Variants in GALNT1 observed in about 807,000 individuals in gnomAD.
GALNT1 encodes the protein GalNAc transferase 1.
GALNT1 carries 17 observed loss-of-function variants against 65.7 expected under a neutral mutation model. That is an observed-to-expected ratio of 0.26 (90% confidence interval 0.18 to 0.39). The LOEUF (loss-of-function observed/expected upper bound fraction) is 0.39, where lower values mean the gene tolerates loss of function less well. GALNT1 is among the 10% of genes least tolerant of loss of function. The pLI is 1.00. For synonymous variants in GALNT1, 210 were observed against 219.7 expected, an observed-to-expected ratio of 0.96 and a Z score of 0.39; for missense variants, 460 against 672.8, an observed-to-expected ratio of 0.68 and a Z score of 3.50.
Position 35,663,638 on chromosome 18 carries a change from A to T in GALNT1, c.150A>T (p.Pro50=). 6.2e-7 allele frequency: 1 copy of T among 1,609,870 alleles called. No homozygotes were observed. The highest frequency in any genetic ancestry group is 8.5e-7 in the Non-Finnish European group (1 of 1,178,940). Residue 50 remains proline (P), a synonymous_variant, in exon 3 of 12, where the codon CCA becomes CCT. Coordinates refer to ENST00000269195, the MANE Select transcript of GALNT1 (RefSeq NM_020474.4). Reference sequence around the variant, plus strand: ...TCTTCCTATTCTTAGTTCTAGAGCCAGTACAAAAGCCTCATGAAGGTCCTG... The same window carrying T: ...TCTTCCTATTCTTAGTTCTAGAGCCTGTACAAAAGCCTCATGAAGGTCCTG... ...RGLPAGDVLE[P]VQKPHEGPGE... is the part of the protein sequence containing the mutation.
intron 1 of GALNT1, among the ~76,000 whole-genome samples, chr18:35,630,622 C>T (rs931061550): frequency 1.2e-4 from 18 of 152,026 alleles, no homozygotes; most frequent in African/African-American, 3.9e-4. Flanking sequence ...AAATTGACAC[C>T]GTAACATCAC....
At chr18:35,641,940 AT>A (rs1262839662) in intron 1 of GALNT1, among the ~76,000 whole-genome samples, 2 of 152,226 alleles carry the variant, frequency 1.3e-5, no homozygotes, top group African/African-American at 4.8e-5. Flanking sequence ...TAGTGTGAAA[AT>A]TATATGAAAT....
At chr18:35,640,366 T>A (rs768702642) in intron 1 of GALNT1, among the ~76,000 whole-genome samples, 380 of 141,496 alleles carry the variant, frequency 2.7e-3, no homozygotes, top group Non-Finnish European at 4.1e-3. Flanking sequence ...TAGGAAAAAA[T>A]TAAAGTAACA....
chr18:35,618,574 T>C (rs898151329), intron 1 of GALNT1, among the ~76,000 whole-genome samples: 2 of 152,170 alleles, frequency 1.3e-5, no homozygotes, highest in South Asian at 4.1e-4. Flanking sequence ...TAGAATAGTT[T>C]TGAGAATTAG....
At chr18:35,699,393 T>C (rs1191183494) in intron 9 of GALNT1, among the ~76,000 whole-genome samples, 1 of 152,214 alleles carries the variant, frequency 6.6e-6, no homozygotes, top group Non-Finnish European at 1.5e-5. Context: ...AGAATCTCAG[T>C]TGCTGTTAGA....
rs1324194881 is a variant in GALNT1 at position 35,683,440 on chromosome 18, A to G, written c.531A>G (p.Pro177=). 1 of 1,613,780 alleles carries G rather than the reference A, an allele frequency of 6.2e-7. No homozygotes were observed. Among genetic ancestry groups the G allele is most frequent in the Non-Finnish European group, 8.5e-7 (1 of 1,179,814 alleles). The change falls in exon 5 of 12, where the codon CCA becomes CCG. Residue 177 remains proline (P), a synonymous_variant. Transcript: ENST00000269195. ...LESYVKKLKV[P]VHVIRMEQRS... Reference sequence around the variant, plus strand: ...GTTATGTGAAAAAACTAAAAGTACCAGTTCATGTAATTCGAATGGAACAAC... The same window carrying G: ...GTTATGTGAAAAAACTAAAAGTACCGGTTCATGTAATTCGAATGGAACAAC...
chr18:35,585,349 T>G (rs1033539810), intron 1 of GALNT1, among the ~76,000 whole-genome samples: 7 of 152,336 alleles, frequency 4.6e-5, no homozygotes, highest in African/African-American at 1.7e-4. Flanking sequence ...TGCTACCTGT[T>G]TTTCATAGAT....
At chr18:35,698,880 G>A (rs1193287412) in intron 9 of GALNT1, among the ~76,000 whole-genome samples, 2 of 152,146 alleles carry the variant, frequency 1.3e-5, no homozygotes, top group African/African-American at 2.4e-5. Context: ...CTACTTGGGA[G>A]GCTGAGGCAG....
intron 1 of GALNT1, among the ~76,000 whole-genome samples, chr18:35,648,645 T>C (rs2047268895): frequency 6.6e-6 from 1 of 152,216 alleles, no homozygotes; most frequent in African/African-American, 2.4e-5. Flanking sequence ...TTCTGGTATG[T>C]GTCTTTTGAG....
chr18:35,635,353 C>G (rs900495967), intron 1 of GALNT1, among the ~76,000 whole-genome samples: 2 of 152,162 alleles, frequency 1.3e-5, no homozygotes, highest in Admixed American at 1.3e-4. Flanking sequence ...AAACTGGGGA[C>G]CCCACACCAG....
At chr18:35,656,736 C>T (rs77122603) in intron 2 of GALNT1, among the ~76,000 whole-genome samples, 3 of 152,290 alleles carry the variant, frequency 2.0e-5, no homozygotes, top group East Asian at 3.9e-4. Context: ...AAGGCCTGAT[C>T]GGACCTGGAC....
At chr18:35,627,926 G>A (rs756579227) in intron 1 of GALNT1, among the ~76,000 whole-genome samples, 16 of 151,190 alleles carry the variant, frequency 1.1e-4, no homozygotes, top group Non-Finnish European at 1.9e-4. Context: ...ATTATATCCC[G>A]TGCCTGGCTC....
At chr18:35,670,928 CTGA>C (rs2047625301) in intron 3 of GALNT1, among the ~76,000 whole-genome samples, 1 of 152,138 alleles carries the variant, frequency 6.6e-6, no homozygotes, top group Admixed American at 6.5e-5. Context: ...CAAGACAAAA[CTGA>C]AACTGCATCT....
intron 3 of GALNT1, chr18:35,664,074 C>T (rs2047512544): frequency 2.7e-6 from 1 of 376,162 alleles, no homozygotes. Context: ...AAAATACTCA[C>T]ATACTCAACT....
chr18:35,647,064 A>G (rs1295542563), intron 1 of GALNT1, among the ~76,000 whole-genome samples: 1 of 152,140 alleles, frequency 6.6e-6, no homozygotes, highest in Non-Finnish European at 1.5e-5. Context: ...TATCATCTCC[A>G]GCTTCATCTC....
At chr18:35,633,837 G>C (rs1285194458) in intron 1 of GALNT1, among the ~76,000 whole-genome samples, 1 of 152,170 alleles carries the variant, frequency 6.6e-6, no homozygotes. Flanking sequence ...ACTCACTTCT[G>C]ATTAGGGAGG....
Position 35,637,766 on chromosome 18 carries a change from TAG to T in GALNT1, c.-103-16788_-103-16787del, listed in dbSNP as rs201219113. Among the ~76,000 whole-genome samples the T allele has an allele frequency of 6.4e-3, 971 of 152,250 alleles. 19 individuals are homozygous for T. The highest frequency in any genetic ancestry group is 0.022 in the African/African-American group (922 of 41,542). ...AGATGCCATCTAAGACTTTCATAGG[TAG>T]AGAGAAGTCAGTGCCTGACTTTAAA... On this transcript the variant is annotated intron_variant, in intron 1 of 11. Coordinates refer to ENST00000269195, the MANE Select transcript of GALNT1 (RefSeq NM_020474.4).
chr18:35,680,376 A>T (rs1016765449), intron 4 of GALNT1, among the ~76,000 whole-genome samples: 1 of 151,542 alleles, frequency 6.6e-6, no homozygotes, highest in Non-Finnish European at 1.5e-5. Flanking sequence ...ATAACACTCT[A>T]CTCCTCTGCA....
chr18:35,692,339 TA>T lies in GALNT1; in HGVS notation c.1299+20del. The T allele has an allele frequency of 3.5e-6, 5 of 1,433,252 alleles. No homozygotes were observed. The highest frequency in any genetic ancestry group is 4.7e-6 in the Non-Finnish European group (5 of 1,061,332). The allele number at this position is 1,433,252 out of a possible 1,614,324, so 88.8% of individuals were successfully genotyped here. On this transcript the variant is annotated intron_variant, in intron 9 of 11. Coordinates refer to ENST00000269195, the MANE Select transcript of GALNT1 (RefSeq NM_020474.4). Reference sequence around the variant, plus strand: ...GGGAGAGGTAAGAAATATATATATATATATTCTATGTGGTTATTATGTTCTT... The same window carrying T: ...GGGAGAGGTAAGAAATATATATATATTATTCTATGTGGTTATTATGTTCTT...
Sources: gnomAD v4.1 joint callset for allele counts (sites outside exome capture counted in the v4.1 genomes callset) on GRCh38, gnomAD v4.1.1 for gene constraint, MANE v1.5 for transcripts, NCBI Gene and HGNC (gene_info 2026-07-23, HGNC 2026-07-21) for gene names.